Variants in WNT1 observed in about 807,000 individuals in gnomAD.
WNT1 encodes the protein Wnt family member 1.
WNT1 carries 10 observed loss-of-function variants against 21.3 expected under a neutral mutation model. The ratio of observed to expected loss-of-function variants is 0.47; its 90% CI spans 0.29 to 0.80. The LOEUF (loss-of-function observed/expected upper bound fraction) is 0.80. Ranked by LOEUF, WNT1 falls within the 30% of genes least tolerant of loss-of-function variation. WNT1 has a pLI of 0.09. For missense variants in WNT1, 476 were observed against 534.1 expected (o/e 0.89, Z 1.07); for synonymous variants, 208 against 236.3 (o/e 0.88, Z 1.10).
In WNT1 at chr12:48,978,516, G is replaced by A. The variant is rs1940964822; in HGVS notation, c.-135G>A. On this transcript the variant is annotated 5_prime_UTR_variant, in exon 1 of 4. Transcript: ENST00000293549. This position sits in a 1 kb window ranked among gnomAD's most constrained non-coding sequence, Gnocchi z 7.4. ...GGGACCGCGAGCCATGCTGTCCGCC[G>A]CCCGCCCCCAGGGTTGTTAAAGCCA... is the stretch of plus-strand genomic sequence containing the variant. The A allele has an allele frequency of 3.0e-6, 2 of 668,524 alleles. No homozygotes were observed. Among genetic ancestry groups the A allele is most frequent in the Non-Finnish European group, 5.2e-6 (2 of 384,476 alleles). 41.4% of individuals were successfully genotyped at this position (668,524 alleles called of 1,614,324 possible). A position where few individuals can be genotyped will look rare whatever the true frequency, so the allele number is the denominator to read the frequency against.
chr12:48,981,334 G>A lies in WNT1; in HGVS notation c.807G>A (p.Ala269=), dbSNP rs746112723. 6.4e-7 allele frequency: 1 copy of A among 1,564,422 alleles called. No individual in the cohort carries two copies. Among genetic ancestry groups the A allele is most frequent in the Non-Finnish European group, 8.7e-7 (1 of 1,155,054 alleles). The part of the protein sequence containing the change: ...GNRGSNRASR[A]ELLRLEPEDP... ...GCGGCAGCAACCGCGCTTCGCGGGC[G>A]GAGCTGCTGCGCCTGGAGCCGGAAG... is the stretch of plus-strand genomic sequence containing the variant. Residue 269 remains alanine, a synonymous_variant, in exon 4 of 4, where the codon GCG becomes GCA. Coordinates refer to ENST00000293549, the MANE Select transcript of WNT1 (RefSeq NM_005430.4). This position sits in a 1 kb window ranked among gnomAD's most constrained non-coding sequence, Gnocchi z 7.4.
Position 48,980,619 on chromosome 12 carries a change from TGGACTCCGGGGAGAAGGGGCG to T in WNT1, c.559_579del (p.Ser187_Asp193del). The T allele has an allele frequency of 6.2e-7, 1 of 1,603,682 alleles. No individual in the cohort carries two copies. The highest frequency in any genetic ancestry group is 8.5e-7 in the Non-Finnish European group (1 of 1,174,650). On this transcript the variant is annotated inframe_deletion, in exon 3 of 4. Coordinates refer to ENST00000293549, the MANE Select transcript of WNT1 (RefSeq NM_005430.4). The surrounding 1 kb of genome is among the most constrained non-coding windows in gnomAD (Gnocchi z 7.0). ...GGCCGCCTCTTCGGCCGGGAGTTCG[TGGACTCCGGGGAGAAGGGGCG>T]GGACCTGCGCTTCCTCATGAACCTT...
Position 48,978,785 on chromosome 12 carries a change from T to G in WNT1, c.104+31T>G. The G allele has an allele frequency of 6.7e-7, 1 of 1,501,878 alleles. No homozygotes were observed. The allele number at this position is 1,501,878 out of a possible 1,614,324, so 93.0% of individuals were successfully genotyped here. A position where few individuals can be genotyped will look rare whatever the true frequency, so the allele number is the denominator to read the frequency against. On this transcript the variant is annotated intron_variant, in intron 1 of 3. Transcript: ENST00000293549. This position sits in a 1 kb window ranked among gnomAD's most constrained non-coding sequence, Gnocchi z 7.4. ...TGAGCTGGTGCGGGGTCGCCACTTGTCCCGCGGCACAGAGCCAGGGGCCAA... is the reference window on the plus strand; with the variant it reads ...TGAGCTGGTGCGGGGTCGCCACTTGGCCCGCGGCACAGAGCCAGGGGCCAA...
Position 48,978,692 on chromosome 12 carries a change from G to C in WNT1, c.42G>C (p.Thr14=). 1 of 1,603,742 alleles carries C rather than the reference G, an allele frequency of 6.2e-7. No homozygotes were observed. Among genetic ancestry groups the C allele is most frequent in the East Asian group, 2.2e-5 (1 of 44,698 alleles). Residue 14 remains threonine (T), a synonymous_variant, in exon 1 of 4, where the codon ACG becomes ACC. Coordinates refer to ENST00000293549, the MANE Select transcript of WNT1 (RefSeq NM_005430.4). This position sits in a 1 kb window ranked among gnomAD's most constrained non-coding sequence, Gnocchi z 7.4. The part of the protein sequence containing the change: ...WALLPGWVSA[T]LLLALAALPA... ...TGTTGCCTGGCTGGGTTTCTGCTAC[G>C]CTGCTGCTGGCGCTGGCCGCTCTGC...
At position 48,978,521 on chromosome 12, in the gene WNT1, C is replaced by T; in HGVS notation, c.-130C>T. ...CGCGAGCCATGCTGTCCGCCGCCCG[C>T]CCCCAGGGTTGTTAAAGCCAGACTG... On this transcript the variant is annotated 5_prime_UTR_variant, in exon 1 of 4. Transcript: ENST00000293549. The surrounding 1 kb of genome is among the most constrained non-coding windows in gnomAD (Gnocchi z 7.4). The T allele has an allele frequency of 1.4e-6, 1 of 693,078 alleles. No homozygotes were observed. The highest frequency in any genetic ancestry group is 2.5e-6 in the Non-Finnish European group (1 of 400,372). 42.9% of individuals were successfully genotyped at this position (693,078 alleles called of 1,614,324 possible).
In WNT1 at chr12:48,979,331, C is replaced by T; in HGVS notation, c.105-137C>T. On this transcript the variant is annotated intron_variant, in intron 1 of 3. Transcript: ENST00000293549. This position sits in a 1 kb window ranked among gnomAD's most constrained non-coding sequence, Gnocchi z 6.0. ...CGCCCAGTTCTTTCAAATTAGTGAG[C>T]CTGGGAGAGCGGGTATTATTAATCT... 1 of 1,185,488 alleles carries T rather than the reference C, an allele frequency of 8.4e-7. No individual in the cohort carries two copies. Among genetic ancestry groups the T allele is most frequent in the Non-Finnish European group, 1.2e-6 (1 of 853,514 alleles). 73.4% of individuals were successfully genotyped at this position (1,185,488 alleles called of 1,614,324 possible). A position where few individuals can be genotyped will look rare whatever the true frequency, so the allele number is the denominator to read the frequency against.
rs371405532 is a variant in WNT1 at position 48,979,074 on chromosome 12, T to C, written c.104+320T>C. ...CCACAGGTTTCCCCACCTCGGGAAGTGAAGGGCCAGGAGTTCGCCTAGAAA... is the reference window on the plus strand; with the variant it reads ...CCACAGGTTTCCCCACCTCGGGAAGCGAAGGGCCAGGAGTTCGCCTAGAAA... On this transcript the variant is annotated intron_variant, in intron 1 of 3. Transcript: ENST00000293549. The surrounding 1 kb of genome is among the most constrained non-coding windows in gnomAD (Gnocchi z 6.0). 3.4e-4 allele frequency among the ~76,000 whole-genome samples: 51 copies of C among 152,238 alleles called. No homozygotes were observed. The highest frequency in any genetic ancestry group is 1.1e-3 in the African/African-American group (46 of 41,536).
rs1348325273 is a variant in WNT1 at position 48,978,768 on chromosome 12, T to C, written c.104+14T>C. The C allele has an allele frequency of 6.4e-7, 1 of 1,566,430 alleles. No homozygotes were observed. The highest frequency in any genetic ancestry group is 8.7e-7 in the Non-Finnish European group (1 of 1,153,214). ...TGGCCGATGGTGGTAAGTGAGCTGG[T>C]GCGGGGTCGCCACTTGTCCCGCGGC... On this transcript the variant is annotated intron_variant, in intron 1 of 3. Transcript: ENST00000293549. The surrounding 1 kb of genome is among the most constrained non-coding windows in gnomAD (Gnocchi z 7.4).
chr12:48,980,216 G>A lies in WNT1; in HGVS notation c.359-208G>A, dbSNP rs532327622. Among the ~76,000 whole-genome samples the A allele has an allele frequency of 6.6e-6, 1 of 152,332 alleles. No individual in the cohort carries two copies. The highest frequency in any genetic ancestry group is 2.4e-5 in the African/African-American group (1 of 41,576). On this transcript the variant is annotated intron_variant, in intron 2 of 3. Coordinates refer to ENST00000293549, the MANE Select transcript of WNT1 (RefSeq NM_005430.4). This position sits in a 1 kb window ranked among gnomAD's most constrained non-coding sequence, Gnocchi z 7.0. ...AATGCGCCCTAGAATCTCCCAGTAA[G>A]GTGTGATTACGCCCGTGGACGTGGC...
chr12:48,978,806 G>T lies in WNT1; in HGVS notation c.104+52G>T. On this transcript the variant is annotated intron_variant, in intron 1 of 3. Transcript: ENST00000293549. The surrounding 1 kb of genome is among the most constrained non-coding windows in gnomAD (Gnocchi z 7.4). The stretch of plus-strand genomic sequence containing the variant: ...CTTGTCCCGCGGCACAGAGCCAGGG[G>T]CCAACCCTACCCAGCTCCCACGCTC... 1.5e-6 allele frequency: 2 copies of T among 1,309,396 alleles called. No individual in the cohort carries two copies. Among genetic ancestry groups the T allele is most frequent in the Non-Finnish European group, 2.1e-6 (2 of 946,408 alleles). The allele number at this position is 1,309,396 out of a possible 1,614,324, so 81.1% of individuals were successfully genotyped here.
rs1940995318 is a variant in WNT1 at position 48,980,491 on chromosome 12, C to T, written c.426C>T (p.Ser142=). The change falls in exon 3 of 4, where the codon TCC becomes TCT. Residue 142 remains serine, a synonymous_variant. Transcript: ENST00000293549. This position sits in a 1 kb window ranked among gnomAD's most constrained non-coding sequence, Gnocchi z 7.0. ...SAGVTHSVAR[S]CSEGSIESCT... The stretch of plus-strand genomic sequence containing the variant: ...GGGTCACCCATTCGGTGGCGCGCTC[C>T]TGCTCAGAAGGTTCCATCGAATCCT... The T allele has an allele frequency of 1.2e-6, 2 of 1,614,106 alleles. No individual in the cohort carries two copies. Among genetic ancestry groups the T allele is most frequent in the African/African-American group, 2.7e-5 (2 of 74,956 alleles).
In WNT1 at chr12:48,981,280, C is replaced by T. The variant is rs749839239; in HGVS notation, c.753C>T (p.Asp251=). ...AVGDVLRDRF[D]GASRVLYGNR... ...GCGATGTGCTGCGCGACCGCTTCGACGGCGCCTCGCGCGTCCTGTACGGCA... is the reference window on the plus strand; with the variant it reads ...GCGATGTGCTGCGCGACCGCTTCGATGGCGCCTCGCGCGTCCTGTACGGCA... The change falls in exon 4 of 4, where the codon GAC becomes GAT. Residue 251 remains aspartate, a synonymous_variant. Transcript: ENST00000293549. The surrounding 1 kb of genome is among the most constrained non-coding windows in gnomAD (Gnocchi z 7.4). The T allele has an allele frequency of 6.3e-5, 100 of 1,598,696 alleles. 1 individual carries two copies. The highest frequency in any genetic ancestry group is 7.7e-5 in the Non-Finnish European group (90 of 1,173,142).
Position 48,981,077 on chromosome 12 carries a change from C to T in WNT1, c.625-75C>T. 3.2e-6 allele frequency: 5 copies of T among 1,558,380 alleles called. No homozygotes were observed. Among genetic ancestry groups the T allele is most frequent in the Non-Finnish European group, 4.3e-6 (5 of 1,151,766 alleles). On this transcript the variant is annotated intron_variant, in intron 3 of 3. Transcript: ENST00000293549. The surrounding 1 kb of genome is among the most constrained non-coding windows in gnomAD (Gnocchi z 7.4). Reference sequence around the variant, plus strand: ...GCTGAGGTCCGGCCCCCGTGGCGTCCGGGAGAGGGCAGTGTCTGGGAGGGT... The same window carrying T: ...GCTGAGGTCCGGCCCCCGTGGCGTCTGGGAGAGGGCAGTGTCTGGGAGGGT...
chr12:48,978,857 C>T lies in WNT1; in HGVS notation c.104+103C>T. ...TGGGATCCGTCTGCCGACAGGCTCC[C>T]TCCCCGCTCTGACTTCCCTCCGCGA... On this transcript the variant is annotated intron_variant, in intron 1 of 3. Transcript: ENST00000293549. This position sits in a 1 kb window ranked among gnomAD's most constrained non-coding sequence, Gnocchi z 7.4. 1 of 801,760 alleles carries T rather than the reference C, an allele frequency of 1.2e-6. No individual in the cohort carries two copies. The allele number at this position is 801,760 out of a possible 1,614,324, so 49.7% of individuals were successfully genotyped here.
rs897855897 is a variant in WNT1 at position 48,979,884 on chromosome 12, C to T, written c.358+163C>T. Among the ~76,000 whole-genome samples, 4 of 152,244 alleles carry T rather than the reference C, an allele frequency of 2.6e-5. No individual in the cohort carries two copies. Among genetic ancestry groups the T allele is most frequent in the African/African-American group, 9.6e-5 (4 of 41,470 alleles). ...CCAGCGCCAGCTCGGGGCCAGACTT[C>T]TACCAGGCGTTTTCCAGCCGTGCAC... On this transcript the variant is annotated intron_variant, in intron 2 of 3. Coordinates refer to ENST00000293549, the MANE Select transcript of WNT1 (RefSeq NM_005430.4). This position sits in a 1 kb window ranked among gnomAD's most constrained non-coding sequence, Gnocchi z 6.0.
chr12:48,981,713 AC>A lies in WNT1; in HGVS notation c.*76del. 4 of 1,400,828 alleles carry A rather than the reference AC, an allele frequency of 2.9e-6. No homozygotes were observed. Among genetic ancestry groups the A allele is most frequent in the Non-Finnish European group, 2.8e-6 (3 of 1,083,674 alleles). The allele number at this position is 1,400,828 out of a possible 1,614,324, so 86.8% of individuals were successfully genotyped here. ...CCAAACAGACTCGCTAGCACTCAAG[AC>A]CCGGTTATTCGCCCACCCGAGTACC... On this transcript the variant is annotated 3_prime_UTR_variant, in exon 4 of 4. Transcript: ENST00000293549. This position sits in a 1 kb window ranked among gnomAD's most constrained non-coding sequence, Gnocchi z 7.4.
rs1457299536 is a variant in WNT1 at position 48,980,972 on chromosome 12, C to T, written c.625-180C>T. On this transcript the variant is annotated intron_variant, in intron 3 of 3. Coordinates refer to ENST00000293549, the MANE Select transcript of WNT1 (RefSeq NM_005430.4). This position sits in a 1 kb window ranked among gnomAD's most constrained non-coding sequence, Gnocchi z 7.0. ...CCGAGACTGACTCGCCGCGGCGGAG[C>T]AGGGTTGGGCAGGGTTTCCAAATCT... Among the ~76,000 whole-genome samples, 1 of 152,280 alleles carries T rather than the reference C, an allele frequency of 6.6e-6. No homozygotes were observed. Among genetic ancestry groups the T allele is most frequent in the East Asian group, 1.9e-4 (1 of 5,172 alleles).
chr12:48,979,402 G>A lies in WNT1; in HGVS notation c.105-66G>A. On this transcript the variant is annotated intron_variant, in intron 1 of 3. Transcript: ENST00000293549. This position sits in a 1 kb window ranked among gnomAD's most constrained non-coding sequence, Gnocchi z 6.0. ...CATACCCCCAGGAAGAGGACCGGGT[G>A]GCACAGTTTTTATGGTTAGGGTGCG... The A allele has an allele frequency of 2.0e-6, 3 of 1,526,854 alleles. No individual in the cohort carries two copies. The highest frequency in any genetic ancestry group is 2.6e-6 in the Non-Finnish European group (3 of 1,134,612). The allele number at this position is 1,526,854 out of a possible 1,614,324, so 94.6% of individuals were successfully genotyped here. A position where few individuals can be genotyped will look rare whatever the true frequency, so the allele number is the denominator to read the frequency against.
In WNT1 at chr12:48,978,787, C is replaced by A; in HGVS notation, c.104+33C>A. Reference sequence around the variant, plus strand: ...AGCTGGTGCGGGGTCGCCACTTGTCCCGCGGCACAGAGCCAGGGGCCAACC... The same window carrying A: ...AGCTGGTGCGGGGTCGCCACTTGTCACGCGGCACAGAGCCAGGGGCCAACC... On this transcript the variant is annotated intron_variant, in intron 1 of 3. Transcript: ENST00000293549. This position sits in a 1 kb window ranked among gnomAD's most constrained non-coding sequence, Gnocchi z 7.4. 6.7e-7 allele frequency: 1 copy of A among 1,492,016 alleles called. No homozygotes were observed. Among genetic ancestry groups the A allele is most frequent in the Non-Finnish European group, 9.1e-7 (1 of 1,094,784 alleles). The allele number at this position is 1,492,016 out of a possible 1,614,324, so 92.4% of individuals were successfully genotyped here. A position where few individuals can be genotyped will look rare whatever the true frequency, so the allele number is the denominator to read the frequency against.
Sources: allele counts gnomAD v4.1 joint callset (sites outside exome capture counted in the v4.1 genomes callset), GRCh38; gene constraint gnomAD v4.1.1; non-coding constraint Gnocchi (gnomAD v3.1); transcripts MANE v1.5; gene names NCBI Gene and HGNC (gene_info 2026-07-23, HGNC 2026-07-21).